Variants in OLA1 observed in about 807,000 individuals in gnomAD.
OLA1 encodes Obg like ATPase 1, also known as obg-like ATPase 1.
In OLA1, 14 loss-of-function variants were observed where a neutral mutation model predicts 48.4. The ratio of observed to expected loss-of-function variants is 0.29; its 90% CI spans 0.19 to 0.45. The LOEUF (loss-of-function observed/expected upper bound fraction) is 0.45, where lower values mean the gene tolerates loss of function less well. OLA1 is among the 20% of genes least tolerant of loss of function. The pLI is 1.00. For missense variants in OLA1, 325 were observed against 467.1 expected (o/e 0.70, Z 2.80); for synonymous variants, 127 against 150.4 (o/e 0.84, Z 1.14).
intron 7 of OLA1, among the ~76,000 whole-genome samples, chr2:174,102,103 A>G (rs183542654): frequency 3.9e-5 from 6 of 152,314 alleles, no homozygotes; most frequent in African/African-American, 1.4e-4. Context: ...GGCTAGGTTT[A>G]TAAGTCATTA....
chr2:174,120,484 C>G (rs1311254095), intron 7 of OLA1, among the ~76,000 whole-genome samples: 1 of 152,164 alleles, frequency 6.6e-6, no homozygotes, highest in Non-Finnish European at 1.5e-5. Context: ...GATTCACTTA[C>G]AACATCTTGA....
chr2:174,168,751 G>A (rs1687226261), intron 4 of OLA1, among the ~76,000 whole-genome samples: 1 of 134,062 alleles, frequency 7.5e-6, no homozygotes, highest in Non-Finnish European at 1.6e-5. Context: ...AACACAATAT[G>A]TATATCTATC....
intron 4 of OLA1, among the ~76,000 whole-genome samples, chr2:174,168,274 A>G (rs1687213758): frequency 6.6e-6 from 1 of 152,158 alleles, no homozygotes; most frequent in South Asian, 2.1e-4. Context: ...AGAACCATGC[A>G]TAGGGAGGGG....
intron 2 of OLA1, among the ~76,000 whole-genome samples, chr2:174,246,170 C>T (rs767146186): frequency 2.6e-5 from 4 of 151,402 alleles, no homozygotes; most frequent in South Asian, 2.1e-4. Flanking sequence ...CGTGGTGGTG[C>T]GCGCCTGTAA....
At chr2:174,231,181 T>G (rs1346837136) in intron 2 of OLA1, among the ~76,000 whole-genome samples, 1 of 152,108 alleles carries the variant, frequency 6.6e-6, no homozygotes, top group Non-Finnish European at 1.5e-5. Flanking sequence ...CCCCTCTCCA[T>G]GAAAAAATTT....
chr2:174,230,960 TG>T (rs1688716581), intron 2 of OLA1, among the ~76,000 whole-genome samples: 1 of 152,256 alleles, frequency 6.6e-6, no homozygotes, highest in African/African-American at 2.4e-5. Context: ...GTGCCCATTC[TG>T]GGCAAAAGAA....
At chr2:174,165,639 T>C (rs974509015) in intron 4 of OLA1, among the ~76,000 whole-genome samples, 2 of 152,224 alleles carry the variant, frequency 1.3e-5, no homozygotes, top group Non-Finnish European at 2.9e-5. Flanking sequence ...GTTTTCTTCC[T>C]TAAATGTAAA....
intron 7 of OLA1, among the ~76,000 whole-genome samples, chr2:174,089,191 T>C (rs185841626): frequency 6.6e-6 from 1 of 152,044 alleles, no homozygotes; most frequent in East Asian, 1.9e-4. Context: ...TGAGACCTCA[T>C]CAAAAAGAAA....
At chr2:174,196,808 G>A (rs958100664) in intron 4 of OLA1, among the ~76,000 whole-genome samples, 2 of 152,174 alleles carry the variant, frequency 1.3e-5, no homozygotes, top group Non-Finnish European at 2.9e-5. Context: ...TGCCCTGTCA[G>A]AATATCTGCT....
intron 2 of OLA1, among the ~76,000 whole-genome samples, chr2:174,244,072 C>A (rs1455739781): frequency 2.6e-5 from 4 of 152,168 alleles, no homozygotes; most frequent in African/African-American, 9.7e-5. Context: ...CCACATGGAC[C>A]CATTTCTGCC....
intron 4 of OLA1, among the ~76,000 whole-genome samples, chr2:174,216,917 C>T (rs1239009048): frequency 6.6e-6 from 1 of 152,160 alleles, no homozygotes; most frequent in Admixed American, 6.6e-5. Context: ...AAATATATAA[C>T]ATACAAGATG....
intron 4 of OLA1, among the ~76,000 whole-genome samples, chr2:174,202,173 T>C (rs986362085): frequency 1.3e-5 from 2 of 152,136 alleles, no homozygotes; most frequent in African/African-American, 4.8e-5. Context: ...ATATATAAAT[T>C]ATAAAAACTT....
At chr2:174,169,162 G>A (rs1687240423) in intron 4 of OLA1, among the ~76,000 whole-genome samples, 1 of 152,088 alleles carries the variant, frequency 6.6e-6, no homozygotes, top group Non-Finnish European at 1.5e-5. Flanking sequence ...GGCCAGGCTG[G>A]TCTCGAACTC....
intron 2 of OLA1, among the ~76,000 whole-genome samples, chr2:174,234,681 C>T (rs1199927251): frequency 6.6e-6 from 1 of 152,014 alleles, no homozygotes; most frequent in Non-Finnish European, 1.5e-5. Flanking sequence ...ACAGGCTGGT[C>T]TTCATCTCCT....
intron 7 of OLA1, among the ~76,000 whole-genome samples, chr2:174,121,157 T>C (rs1685905923): frequency 6.6e-6 from 1 of 152,152 alleles, no homozygotes; most frequent in Admixed American, 6.6e-5. Flanking sequence ...AATAAAAATT[T>C]ATTCTGCACT....
At chr2:174,150,586 A>T (rs552244985) in intron 4 of OLA1, among the ~76,000 whole-genome samples, 26 of 152,356 alleles carry the variant, frequency 1.7e-4, no homozygotes, top group African/African-American at 6.0e-4. Flanking sequence ...CTACCACTAT[A>T]CAATACAGAG....
chr2:174,088,992 CA>C (rs1224055260), intron 7 of OLA1, among the ~76,000 whole-genome samples: 5 of 152,172 alleles, frequency 3.3e-5, no homozygotes, highest in Non-Finnish European at 7.3e-5. Context: ...TACAGAATAA[CA>C]TAATTGCAAC....
At chr2:174,193,121 G>A (rs182100965) in intron 4 of OLA1, among the ~76,000 whole-genome samples, 5 of 142,078 alleles carry the variant, frequency 3.5e-5, no homozygotes, top group East Asian at 2.1e-4. Flanking sequence ...TGGGGGTCTC[G>A]CTCTGTTGCC....
Position 174,222,539 on chromosome 2 carries a change from T to G in OLA1, c.373+494A>C, listed in dbSNP as rs555364042. Among the ~76,000 whole-genome samples, 86 of 152,332 alleles carry G rather than the reference T, an allele frequency of 5.6e-4. 1 individual carries two copies. The East Asian group carries it at 0.012, about 20-fold the overall frequency. ...CCCAAACTAAGCCACAGTCCTATTTTTTCTCTTTCCTTTATATTCCTCTCT... is the reference window on the plus strand; with the variant it reads ...CCCAAACTAAGCCACAGTCCTATTTGTTCTCTTTCCTTTATATTCCTCTCT... On this transcript the variant is annotated intron_variant, in intron 4 of 10. Transcript: ENST00000284719.
Sources: allele counts gnomAD v4.1 joint callset (sites outside exome capture counted in the v4.1 genomes callset), GRCh38; gene constraint gnomAD v4.1.1; transcripts MANE v1.5; gene names NCBI Gene and HGNC (gene_info 2026-07-23, HGNC 2026-07-21).